Variants in CACNA1E observed in about 807,000 individuals in gnomAD.
CACNA1E encodes the protein calcium voltage-gated channel subunit alpha1 E, also known as voltage-dependent R-type calcium channel subunit alpha-1E.
CACNA1E carries 40 observed loss-of-function variants against 259.2 expected under a neutral mutation model. That is an observed-to-expected ratio of 0.15 (90% CI 0.12 to 0.20). The LOEUF is 0.20. Ranked by LOEUF, CACNA1E falls within the 10% of genes least tolerant of loss-of-function variation. The pLI, the probability that CACNA1E is intolerant of heterozygous loss-of-function variation, is 1.00. For synonymous variants in CACNA1E, 1,104 were observed against 1,138.5 expected (o/e 0.97, Z 0.61); for missense variants, 1,874 against 3,040.1 (o/e 0.62, Z 9.02).
chr1:181,663,827 T>C (rs1271123268), intron 7 of CACNA1E, among the ~76,000 whole-genome samples: 1 of 152,258 alleles, frequency 6.6e-6, no homozygotes, highest in Non-Finnish European at 1.5e-5. Flanking sequence ...TTATACCATT[T>C]GCCCATTTTC....
intron 1 of CACNA1E, among the ~76,000 whole-genome samples, chr1:181,379,158 A>C (rs374999830): frequency 2.4e-4 from 36 of 152,334 alleles, no homozygotes; most frequent in African/African-American, 8.7e-4. Flanking sequence ...TAGCAATAAA[A>C]ATATGCAAAG....
intron 28 of CACNA1E, 49 bp from the exon 29 acceptor site, chr1:181,755,907 G>A (rs1282578872): frequency 6.3e-7 from 1 of 1,580,382 alleles, no homozygotes; most frequent in African/African-American, 1.4e-5. Flanking sequence ...CTCTTCTGTA[G>A]AATGAGCTAT....
chr1:181,568,936 C>A (rs1650126198), intron 3 of CACNA1E, among the ~76,000 whole-genome samples: 1 of 152,184 alleles, frequency 6.6e-6, no homozygotes, highest in Admixed American at 6.5e-5. Context: ...CTACTCTCCC[C>A]TGATTCATTA....
At chr1:181,579,417 T>A (rs1178875287) in intron 5 of CACNA1E, among the ~76,000 whole-genome samples, 193 bp downstream of exon 5, 1 of 152,226 alleles carries the variant, frequency 6.6e-6, no homozygotes, top group Non-Finnish European at 1.5e-5. Context: ...ACATTAATAT[T>A]GCAAAGCAAA....
chr1:181,643,221 T>C (rs1657960544), intron 6 of CACNA1E, among the ~76,000 whole-genome samples: 1 of 152,176 alleles, frequency 6.6e-6, no homozygotes, highest in Non-Finnish European at 1.5e-5. Context: ...GCCCCAGCAG[T>C]TACAAGAAGA....
At chr1:181,487,024 T>C (rs1321407591) in intron 1 of CACNA1E, among the ~76,000 whole-genome samples, 1 of 65,574 alleles carries the variant, frequency 1.5e-5, no homozygotes, top group Middle Eastern at 7.2e-3. Context: ...AAGTGCCAGA[T>C]TTTTTTTTTT....
Position 181,484,465 on chromosome 1 carries a change from G to T in CACNA1E, c.266+455G>T, listed in dbSNP as rs565746932. 1.8e-3 allele frequency among the ~76,000 whole-genome samples: 273 copies of T among 152,330 alleles called. 2 individuals carry two copies. The highest frequency in any genetic ancestry group is 6.3e-3 in the African/African-American group (263 of 41,558). The stretch of plus-strand genomic sequence containing the variant: ...ACTGTCTTCCTGTAGGGAAGTCAAG[G>T]CTCCATGAGGGGATTTATCAGTTCA... On this transcript the variant is annotated intron_variant, in intron 1 of 47. Coordinates refer to ENST00000367573, the MANE Select transcript of CACNA1E (RefSeq NM_001205293.3).
At chr1:181,510,374 A>C in intron 1 of CACNA1E, 103 bp from the exon 2 acceptor site, 2 of 755,902 alleles carry the variant, frequency 2.6e-6, no homozygotes, top group Non-Finnish European at 4.7e-6. Flanking sequence ...TGCAAACTGC[A>C]CAGACACAAT....
At chr1:181,479,254 G>A (rs745328619), upstream of CACNA1E, among the ~76,000 whole-genome samples, 43 of 152,306 alleles carry the variant, frequency 2.8e-4, no homozygotes, top group Middle Eastern at 3.4e-3. Flanking sequence ...TTGACAAGAG[G>A]TCAGAGCCTA....
intron 34 of CACNA1E, among the ~76,000 whole-genome samples, chr1:181,764,564 G>C (rs1349738852): frequency 6.6e-6 from 1 of 152,194 alleles, no homozygotes; most frequent in Non-Finnish European, 1.5e-5. Flanking sequence ...TGAGATGTGA[G>C]ATCAATTTTA....
intron 35 of CACNA1E, among the ~76,000 whole-genome samples, chr1:181,770,115 T>G (rs913934649): frequency 6.6e-6 from 1 of 152,116 alleles, no homozygotes; most frequent in Admixed American, 6.5e-5. Context: ...GGGGCAGAGA[T>G]TGTTCCTCAA....
chr1:181,499,169 A>G (rs1056089605), intron 1 of CACNA1E, among the ~76,000 whole-genome samples: 2 of 152,216 alleles, frequency 1.3e-5, no homozygotes, highest in African/African-American at 2.4e-5. Flanking sequence ...AGATGGGAGA[A>G]TAGATGGATG....
At chr1:181,764,016 T>G (rs1658813330) in intron 34 of CACNA1E, among the ~76,000 whole-genome samples, 1 of 152,210 alleles carries the variant, frequency 6.6e-6, no homozygotes. Context: ...ACCTTTGTCT[T>G]CATCAGTGTT....
At chr1:181,420,501 A>G (rs1658647330) in intron 2 of CACNA1E, among the ~76,000 whole-genome samples, 1 of 152,196 alleles carries the variant, frequency 6.6e-6, no homozygotes, top group African/African-American at 2.4e-5. Context: ...TTTTTCATAC[A>G]TATGATCTCA....
In CACNA1E at chr1:181,733,604, A is replaced by T. The variant is rs1184463642; in HGVS notation, c.3116A>T (p.Gln1039Leu). The change falls in exon 21 of 48, where the codon CAG becomes CTG. Residue 1039 changes from glutamine (Q) to leucine (L), a missense_variant. Coordinates refer to ENST00000367573, the MANE Select transcript of CACNA1E (RefSeq NM_001205293.3). The part of the protein sequence containing the change: ...SSEQALLGNV[Q>L]LDMGRVISQS... Reference sequence around the variant, plus strand: ...GAGCAGGCCCTGCTGGGGAATGTGCAGCTAGACATGGGCCGGGTCATCAGC... The same window carrying T: ...GAGCAGGCCCTGCTGGGGAATGTGCTGCTAGACATGGGCCGGGTCATCAGC... The T allele has an allele frequency of 6.2e-7, 1 of 1,613,022 alleles. No homozygotes were observed. The highest frequency in any genetic ancestry group is 2.2e-5 in the East Asian group (1 of 44,852).
chr1:181,803,883 G>T lies in CACNA1E; in HGVS notation c.*5049G>T, dbSNP rs546736148. On this transcript the variant is annotated 3_prime_UTR_variant, in exon 48 of 48. Coordinates refer to ENST00000367573, the MANE Select transcript of CACNA1E (RefSeq NM_001205293.3). ...AAGATAGCTGAGAAGTATGAATGGG[G>T]TTCACAGCAAAGTCCAATTGATGGC... 6.6e-6 allele frequency: 1 copy of T among 152,300 alleles called. No individual in the cohort carries two copies. Among genetic ancestry groups the T allele is most frequent in the East Asian group, 1.9e-4 (1 of 5,178 alleles). The allele number at this position is 152,300 out of a possible 1,614,324, so 9.4% of individuals were successfully genotyped here. A position where few individuals can be genotyped will look rare whatever the true frequency, so the allele number is the denominator to read the frequency against.
chr1:181,498,412 C>T (rs1333179233), intron 1 of CACNA1E, among the ~76,000 whole-genome samples: 1 of 152,172 alleles, frequency 6.6e-6, no homozygotes, highest in Non-Finnish European at 1.5e-5. Flanking sequence ...CATGGAGCTC[C>T]TATGCTTGAC....
At chr1:181,795,261 T>C (rs1661688867) in intron 46 of CACNA1E, among the ~76,000 whole-genome samples, 1 of 152,194 alleles carries the variant, frequency 6.6e-6, no homozygotes, top group Non-Finnish European at 1.5e-5. Flanking sequence ...GCTGTTGCAA[T>C]CCCTTCCTTC....
At chr1:181,346,504 G>A (rs976451550) in intron 1 of CACNA1E, among the ~76,000 whole-genome samples, 13 of 152,148 alleles carry the variant, frequency 8.5e-5, no homozygotes, top group African/African-American at 3.1e-4. Context: ...TTGAGACCTT[G>A]TCACTTCCCC....
Sources: allele counts gnomAD v4.1 joint callset (sites outside exome capture counted in the v4.1 genomes callset), GRCh38; gene constraint gnomAD v4.1.1; transcripts MANE v1.5; gene names NCBI Gene and HGNC (gene_info 2026-07-23, HGNC 2026-07-21).